Variants in E2F3 observed in about 807,000 individuals in gnomAD.
The protein encoded by E2F3 is E2F transcription factor 3, also known as transcription factor E2F3.
In E2F3, 11 loss-of-function variants were observed where a neutral mutation model predicts 44.4. That is an observed-to-expected ratio of 0.25 (90% CI 0.16 to 0.41). The LOEUF (loss-of-function observed/expected upper bound fraction) is 0.41, where lower values mean the gene tolerates loss of function less well. Ranked by LOEUF, E2F3 falls within the 10% of genes least tolerant of loss-of-function variation. The probability of loss-of-function intolerance (pLI) is 1.00; values close to 1 mark genes in which losing one functional copy is unlikely to be tolerated. For synonymous variants in E2F3, 249 were observed against 253.0 expected (o/e 0.98, Z 0.15); for missense variants, 487 against 583.6 (o/e 0.83, Z 1.70).
intron 1 of E2F3, among the ~76,000 whole-genome samples, chr6:20,451,516 T>C (rs1761131170): frequency 6.6e-6 from 1 of 152,210 alleles, no homozygotes; most frequent in East Asian, 1.9e-4. Context: ...AGAGGGTAGT[T>C]TGACTTCCTC....
At chr6:20,451,984 A>G (rs1028321906) in intron 1 of E2F3, among the ~76,000 whole-genome samples, 2 of 152,184 alleles carry the variant, frequency 1.3e-5, no homozygotes, top group African/African-American at 2.4e-5. Flanking sequence ...GGATTTTTGC[A>G]TAGATGTTCA....
intron 1 of E2F3, among the ~76,000 whole-genome samples, chr6:20,438,468 A>G (rs1760665891): frequency 1.3e-5 from 2 of 152,152 alleles, no homozygotes; most frequent in African/African-American, 4.8e-5. Flanking sequence ...TCTCCGGTGC[A>G]GTTTGTCAGT....
At chr6:20,449,949 T>C (rs1199253711) in intron 1 of E2F3, among the ~76,000 whole-genome samples, 1 of 152,114 alleles carries the variant, frequency 6.6e-6, no homozygotes, top group Non-Finnish European at 1.5e-5. Context: ...AAGAACACAG[T>C]CTCATTATTT....
At position 20,492,601 on chromosome 6, in the gene E2F3, A is replaced by AT. The variant is rs1351041314; in HGVS notation, c.*2177dup. 1 of 232,246 alleles carries AT rather than the reference A, an allele frequency of 4.3e-6. No homozygotes were observed. The highest frequency in any genetic ancestry group is 2.2e-5 in the African/African-American group (1 of 45,200). 14.4% of individuals were successfully genotyped at this position (232,246 alleles called of 1,614,324 possible). Reference sequence around the variant, plus strand: ...TCTCTTTGCCAGCTGCACAAAGCTGATTTTTTCCAAAGTCTAAAGACTGAG... The same window carrying AT: ...TCTCTTTGCCAGCTGCACAAAGCTGATTTTTTTCCAAAGTCTAAAGACTGAG... On this transcript the variant is annotated 3_prime_UTR_variant, in exon 7 of 7. Transcript: ENST00000346618.
chr6:20,420,026 C>T (rs866106177), intron 1 of E2F3, among the ~76,000 whole-genome samples: 37 of 152,180 alleles, frequency 2.4e-4, no homozygotes, highest in African/African-American at 2.7e-4. Flanking sequence ...CCATCACACC[C>T]GGCTACTTTT....
chr6:20,467,734 C>T (rs1017969735), intron 1 of E2F3, among the ~76,000 whole-genome samples: 1 of 152,198 alleles, frequency 6.6e-6, no homozygotes, highest in Admixed American at 6.5e-5. Context: ...ATAACAATAA[C>T]CAAAGGGTTG....
rs141009328 is a variant in E2F3 at position 20,485,074 on chromosome 6, G to A, written c.885-1615G>A. On this transcript the variant is annotated intron_variant, in intron 4 of 6. Coordinates refer to ENST00000346618, the MANE Select transcript of E2F3 (RefSeq NM_001949.5). ...ACGGACTCTATTAGCCATTAAATACGTTATACTACCTGCTGAAATGCCTTC... is the reference window on the plus strand; with the variant it reads ...ACGGACTCTATTAGCCATTAAATACATTATACTACCTGCTGAAATGCCTTC... Among the ~76,000 whole-genome samples, 11 of 151,662 alleles carry A rather than the reference G, an allele frequency of 7.3e-5. No individual in the cohort carries two copies. In the East Asian group the frequency reaches 1.5e-3, roughly 21 times the overall value.
At chr6:20,418,840 CT>C (rs34489729) in intron 1 of E2F3, among the ~76,000 whole-genome samples, 115 of 145,552 alleles carry the variant, frequency 7.9e-4, no homozygotes, top group African/African-American at 1.6e-3. Context: ...TGTTTGTTAC[CT>C]TTTTTTTTTT....
chr6:20,490,052 G>T lies in E2F3; in HGVS notation c.1136-116G>T. The stretch of plus-strand genomic sequence containing the variant: ...ATCTGCATCATAAAGTCGTCTCATT[G>T]TCATTATTTGCGGAAGGTACATGCT... On this transcript the variant is annotated intron_variant, in intron 6 of 6. Transcript: ENST00000346618. The surrounding 1 kb of genome is among the most constrained non-coding windows in gnomAD (Gnocchi z 4.3). 8.5e-7 allele frequency: 1 copy of T among 1,182,212 alleles called. No homozygotes were observed. The allele number at this position is 1,182,212 out of a possible 1,614,324, so 73.2% of individuals were successfully genotyped here. A position where few individuals can be genotyped will look rare whatever the true frequency, so the allele number is the denominator to read the frequency against.
intron 1 of E2F3, among the ~76,000 whole-genome samples, chr6:20,469,523 C>A (rs1455064036): frequency 6.6e-6 from 1 of 152,168 alleles, no homozygotes; most frequent in Non-Finnish European, 1.5e-5. Context: ...AAATAAGTTT[C>A]TATAGGAGGG....
rs1762443479 is a variant in E2F3, at chr6:20,487,965, A to G, written c.1000-148A>G. On this transcript the variant is annotated intron_variant, in intron 5 of 6. Transcript: ENST00000346618. ...GGTTTGCTGACCCCTGCTCTAGAGG[A>G]TGACAGTCTTTCATAGAGTTGGACT... is the stretch of plus-strand genomic sequence containing the variant. 2.7e-5 allele frequency: 30 copies of G among 1,096,520 alleles called. 1 individual carries two copies. The South Asian group carries it at 4.4e-4, about 16-fold the overall frequency. The allele number at this position is 1,096,520 out of a possible 1,614,324, so 67.9% of individuals were successfully genotyped here.
intron 4 of E2F3, among the ~76,000 whole-genome samples, chr6:20,485,188 T>G (rs1056140990): frequency 6.6e-6 from 1 of 152,200 alleles, no homozygotes; most frequent in Non-Finnish European, 1.5e-5. Flanking sequence ...GTACATTAAT[T>G]GAATACTTTT....
chr6:20,479,743 C>G (rs1561883046), intron 1 of E2F3, 103 bp from the exon 2 acceptor site: 1 of 904,420 alleles, frequency 1.1e-6, no homozygotes, highest in Non-Finnish European at 1.7e-6. Context: ...GGGGTGAGAG[C>G]TGGCATGAGC....
At chr6:20,485,571 T>G (rs1762365546) in intron 4 of E2F3, among the ~76,000 whole-genome samples, 2 of 152,130 alleles carry the variant, frequency 1.3e-5, no homozygotes, top group Admixed American at 6.5e-5. Flanking sequence ...AGAGCAAGAT[T>G]CTGTCTCAAA....
At chr6:20,416,008 C>T (rs570151738) in intron 1 of E2F3, among the ~76,000 whole-genome samples, 11 of 152,320 alleles carry the variant, frequency 7.2e-5, no homozygotes, top group African/African-American at 2.4e-4. Context: ...GGTCACATCA[C>T]TTTCCCTCCA....
In E2F3 at chr6:20,408,720, G is replaced by A. The variant is rs558256084; in HGVS notation, c.393+6095G>A. Among the ~76,000 whole-genome samples, 5 of 152,252 alleles carry A rather than the reference G, an allele frequency of 3.3e-5. No individual in the cohort carries two copies. In the South Asian group the frequency reaches 1.0e-3, roughly 32 times the overall value. On this transcript the variant is annotated intron_variant, in intron 1 of 6. Transcript: ENST00000346618. ...CTAAGGCAGGGGTTTATGTCAGCTC[G>A]AGGTAGAAAGCAGTGAGAATTGGCA...
intron 1 of E2F3, among the ~76,000 whole-genome samples, chr6:20,435,699 C>T (rs1043875957): frequency 3.9e-5 from 6 of 151,994 alleles, no homozygotes; most frequent in Non-Finnish European, 7.4e-5. Flanking sequence ...TGCAGTGAGC[C>T]GAGATTGTGC....
chr6:20,462,424 A>G (rs1457704674), intron 1 of E2F3, among the ~76,000 whole-genome samples: 1 of 145,078 alleles, frequency 6.9e-6, no homozygotes, highest in Non-Finnish European at 1.5e-5. Flanking sequence ...TGGTCTATTT[A>G]CCTATCGGTA....
chr6:20,467,251 G>T (rs965979754), intron 1 of E2F3, among the ~76,000 whole-genome samples: 2 of 152,164 alleles, frequency 1.3e-5, no homozygotes, highest in African/African-American at 4.8e-5. Context: ...CATGACTTGG[G>T]TAGCAAGGCA....
Sources: allele counts gnomAD v4.1 joint callset (sites outside exome capture counted in the v4.1 genomes callset), GRCh38; gene constraint gnomAD v4.1.1; non-coding constraint Gnocchi (gnomAD v3.1); transcripts MANE v1.5; gene names NCBI Gene and HGNC (gene_info 2026-07-23, HGNC 2026-07-21).